NALCN: variants seen among roughly 807,000 people sequenced by gnomAD.
NALCN encodes the protein sodium leak channel NALCN.
In NALCN, 111 loss-of-function variants were observed where a neutral mutation model predicts 225.3. The ratio of observed to expected loss-of-function variants is 0.49; its 90% CI spans 0.42 to 0.58. The LOEUF (loss-of-function observed/expected upper bound fraction) is 0.58, where lower values mean the gene tolerates loss of function less well. Among genes scored for constraint, NALCN ranks in the 20% least tolerant of loss-of-function variants. NALCN has a pLI of 0.00. For missense variants in NALCN, 1,378 were observed against 2,202.4 expected, an observed-to-expected ratio of 0.63 and a Z score of 7.49; for synonymous variants, 764 against 769.0, an observed-to-expected ratio of 0.99 and a Z score of 0.11.
chr13:101,412,065 T>G (rs936970068), intron 1 of NALCN, among the ~76,000 whole-genome samples: 26 of 152,244 alleles, frequency 1.7e-4, no homozygotes, highest in African/African-American at 6.3e-4. Context: ...ATTTTTCTTT[T>G]TATTGGTTTT....
Position 101,144,775 on chromosome 13 carries a change from G to A in NALCN, c.1961C>T (p.Thr654Ile), listed in dbSNP as rs1384735984. Residue 654 changes from threonine to isoleucine, a missense_variant, in exon 16 of 44, where the codon ACA (threonine) becomes ATA (isoleucine). Coordinates refer to ENST00000251127, the MANE Select transcript of NALCN (RefSeq NM_052867.4). Reference protein sequence around the residue: ...VKISKLPSDFTVPKIRESFMK... With the variant: ...VKISKLPSDFIVPKIRESFMK... ...ATTTTGGTACCTGATTTTAGGAACTGTAAAATCTGAAGGAAGCTTTGAGAT... is the reference window on the plus strand; with the variant it reads ...ATTTTGGTACCTGATTTTAGGAACTATAAAATCTGAAGGAAGCTTTGAGAT... The A allele has an allele frequency of 6.2e-7, 1 of 1,606,736 alleles. No homozygotes were observed.
At chr13:101,260,371 C>A (rs1185637150) in intron 10 of NALCN, among the ~76,000 whole-genome samples, 3 of 152,266 alleles carry the variant, frequency 2.0e-5, no homozygotes, top group African/African-American at 7.2e-5. Flanking sequence ...TATTTCCTTT[C>A]TTTTGGGTAT....
intron 41 of NALCN, among the ~76,000 whole-genome samples, chr13:101,060,263 TTGG>T (rs926818194): frequency 1.4e-5 from 2 of 141,208 alleles, no homozygotes; most frequent in African/African-American, 5.5e-5. Flanking sequence ...CTTTTTGTTG[TTGG>T]TGTTTTCTGT....
At chr13:101,140,819 G>C (rs2037041278) in intron 17 of NALCN, among the ~76,000 whole-genome samples, 1 of 152,324 alleles carries the variant, frequency 6.6e-6, no homozygotes, top group Non-Finnish European at 1.5e-5. Context: ...GGCTACTCGG[G>C]AGGCTGAGGC....
At chr13:101,289,391 T>C (rs2043463319) in intron 9 of NALCN, among the ~76,000 whole-genome samples, 1 of 152,126 alleles carries the variant, frequency 6.6e-6, no homozygotes, top group Admixed American at 6.5e-5. Context: ...TTGAAAAATA[T>C]TGCTTCGTTA....
chr13:101,176,180 G>A (rs1022574853), intron 15 of NALCN, 120 bp downstream of exon 15: 5 of 570,218 alleles, frequency 8.8e-6, no homozygotes, highest in South Asian at 4.8e-5. Context: ...TACCACCTTC[G>A]ATAGCCTTAT....
intron 33 of NALCN, among the ~76,000 whole-genome samples, chr13:101,082,066 T>C (rs1053691161): frequency 1.3e-5 from 2 of 152,012 alleles, no homozygotes; most frequent in African/African-American, 4.8e-5. Context: ...TTAGTAGAGA[T>C]GGGGTTTCAC....
intron 7 of NALCN, among the ~76,000 whole-genome samples, chr13:101,308,291 A>G (rs1594646989): frequency 6.6e-6 from 1 of 152,318 alleles, no homozygotes; most frequent in East Asian, 1.9e-4. Context: ...ATTTCCTGCA[A>G]GGAGTTGTGG....
intron 34 of NALCN, among the ~76,000 whole-genome samples, chr13:101,079,969 G>A (rs1272920898): frequency 6.6e-6 from 1 of 152,166 alleles, no homozygotes; most frequent in African/African-American, 2.4e-5. Flanking sequence ...AGGAAACAGG[G>A]AAAAACCGAT....
At chr13:101,302,852 A>G (rs2044021436) in intron 7 of NALCN, among the ~76,000 whole-genome samples, 2 of 144,684 alleles carry the variant, frequency 1.4e-5, no homozygotes, top group East Asian at 4.1e-4. Flanking sequence ...CCAAAGCCTG[A>G]AAACATGTTT....
intron 7 of NALCN, among the ~76,000 whole-genome samples, chr13:101,299,046 A>T (rs1211580470): frequency 6.6e-6 from 1 of 152,236 alleles, no homozygotes; most frequent in Non-Finnish European, 1.5e-5. Context: ...TCTTCTTTAA[A>T]GATTTTTGAA....
intron 7 of NALCN, among the ~76,000 whole-genome samples, chr13:101,336,190 G>A (rs369334734): frequency 1.3e-5 from 2 of 152,208 alleles, no homozygotes; most frequent in South Asian, 4.2e-4. Context: ...GGGGTAGTCC[G>A]AAGCACAGAA....
rs755756325 is a variant in NALCN, at chr13:101,103,387, C to T, written c.2890-48G>A. 5.2e-6 allele frequency: 8 copies of T among 1,552,328 alleles called. No homozygotes were observed. In the South Asian group the frequency reaches 6.1e-5, roughly 12 times the overall value. On this transcript the variant is annotated intron_variant, in intron 25 of 43. Transcript: ENST00000251127. The stretch of plus-strand genomic sequence containing the variant: ...TGGAATTTATACAATTCATCCCCTA[C>T]TATTTACATTTTCTGACAGCCGACT...
intron 27 of NALCN, among the ~76,000 whole-genome samples, chr13:101,099,845 C>T (rs1384425886): frequency 2.0e-5 from 3 of 152,040 alleles, no homozygotes; most frequent in African/African-American, 7.2e-5. Flanking sequence ...CAAAGGGTGG[C>T]GGCATAGGAT....
At chr13:101,337,076 C>T (rs9557618) in intron 7 of NALCN, among the ~76,000 whole-genome samples, 16,604 of 152,098 alleles carry the variant, frequency 0.11, 1,319 homozygotes, top group East Asian at 0.36. Flanking sequence ...ATGTTTACAG[C>T]TCAGTAGCTT....
intron 3 of NALCN, among the ~76,000 whole-genome samples, chr13:101,394,857 G>A (rs1327295218): frequency 6.6e-6 from 1 of 152,114 alleles, no homozygotes; most frequent in Non-Finnish European, 1.5e-5. Flanking sequence ...GCTTCTCTGG[G>A]CCAGCCCCTG....
At chr13:101,214,085 C>A (rs2140087258) in intron 13 of NALCN, among the ~76,000 whole-genome samples, 1 of 152,272 alleles carries the variant, frequency 6.6e-6, no homozygotes, top group South Asian at 2.1e-4. Context: ...AAATGTGGCA[C>A]ATGTATACAC....
At chr13:101,312,382 C>T (rs1348928351) in intron 7 of NALCN, among the ~76,000 whole-genome samples, 3 of 150,418 alleles carry the variant, frequency 2.0e-5, no homozygotes, top group South Asian at 2.1e-4. Flanking sequence ...CTGATTTTAG[C>T]TATTTCTTGC....
chr13:101,214,670 G>A (rs2040661588), intron 13 of NALCN, among the ~76,000 whole-genome samples: 1 of 152,114 alleles, frequency 6.6e-6, no homozygotes, highest in African/African-American at 2.4e-5. Flanking sequence ...ATCAAGAAAA[G>A]TCAGTTTCTC....
Sources: allele counts gnomAD v4.1 joint callset (sites outside exome capture counted in the v4.1 genomes callset), GRCh38; gene constraint gnomAD v4.1.1; transcripts MANE v1.5; gene names NCBI Gene and HGNC (gene_info 2026-07-23, HGNC 2026-07-21).